ADGRB3: variants seen among roughly 807,000 people sequenced by gnomAD.
The protein encoded by ADGRB3 is adhesion G protein-coupled receptor B3.
ADGRB3 carries 37 observed loss-of-function variants against 193.4 expected under a neutral mutation model. The ratio of observed to expected loss-of-function variants is 0.19; its 90% confidence interval spans 0.15 to 0.25. The LOEUF (loss-of-function observed/expected upper bound fraction) is 0.25. ADGRB3 is among the 10% of genes least tolerant of loss of function. The probability of loss-of-function intolerance (pLI) is 1.00; values close to 1 mark genes in which losing one functional copy is unlikely to be tolerated. For missense variants in ADGRB3, 1,637 were observed against 1,852.9 expected, an observed-to-expected ratio of 0.88 and a Z score of 2.14; for synonymous variants, 690 against 644.2, an observed-to-expected ratio of 1.07 and a Z score of -1.08.
chr6:69,299,604 A>G (rs752448883), intron 20 of ADGRB3, among the ~76,000 whole-genome samples: 36 of 151,856 alleles, frequency 2.4e-4, no homozygotes, highest in Non-Finnish European at 3.4e-4. Context: ...GCATATGGGT[A>G]TCCAGTTTTC....
At chr6:68,740,177 T>G (rs755303344) in intron 3 of ADGRB3, among the ~76,000 whole-genome samples, 33 of 152,170 alleles carry the variant, frequency 2.2e-4, no homozygotes, top group Middle Eastern at 3.2e-3. Context: ...CAGGCTTTAT[T>G]TTAGGGAATG....
chr6:69,194,972 G>A (rs1765266811), intron 17 of ADGRB3, among the ~76,000 whole-genome samples: 1 of 152,104 alleles, frequency 6.6e-6, no homozygotes, highest in Admixed American at 6.6e-5. Flanking sequence ...TTTATCATAT[G>A]GACATATGGC....
In ADGRB3 at chr6:69,048,322, G is replaced by A. The variant is rs759276122; in HGVS notation, c.2245G>A (p.Val749Met). ...AATTCCAAAAAGCATTTTCACTCCG[G>A]TGTCATCAAAAGGTAAATATCTGAA... is the stretch of plus-strand genomic sequence containing the variant. ...VVIPKSIFTP[V>M]SSKELDESSV... Residue 749 changes from valine (V) to methionine (M), a missense_variant, in exon 14 of 32, where the codon GTG becomes ATG. Val to Met is a conservative substitution (Grantham distance 21). Around this residue, in one of 7 missense-constraint regions of ADGRB3, gnomAD observed 641 missense variants for 673.9 expected, o/e 0.95. Coordinates refer to ENST00000370598, the MANE Select transcript of ADGRB3 (RefSeq NM_001704.3). 1 of 1,612,896 alleles carries A rather than the reference G, an allele frequency of 6.2e-7. No homozygotes were observed. The highest frequency in any genetic ancestry group is 8.5e-7 in the Non-Finnish European group (1 of 1,179,532).
At chr6:68,976,566 A>G (rs2150266424) in intron 10 of ADGRB3, among the ~76,000 whole-genome samples, 1 of 152,332 alleles carries the variant, frequency 6.6e-6, no homozygotes, top group South Asian at 2.1e-4. Context: ...CGATAACAAA[A>G]ACAGTTTATT....
intron 3 of ADGRB3, among the ~76,000 whole-genome samples, chr6:68,660,253 A>G (rs1768594219): frequency 6.7e-6 from 1 of 149,458 alleles, no homozygotes; most frequent in South Asian, 2.1e-4. Context: ...TATATTTCAT[A>G]TAAGTACAGT....
intron 11 of ADGRB3, among the ~76,000 whole-genome samples, chr6:69,000,617 T>C (rs1332714831): frequency 6.6e-6 from 1 of 151,182 alleles, no homozygotes; most frequent in African/African-American, 2.5e-5. Context: ...GTATGAAACA[T>C]GTGGCAATAA....
chr6:69,264,768 T>C (rs1767004811), intron 20 of ADGRB3, among the ~76,000 whole-genome samples: 1 of 151,904 alleles, frequency 6.6e-6, no homozygotes, highest in Non-Finnish European at 1.5e-5. Context: ...TACAAAAACA[T>C]ATTTACACAG....
At chr6:69,009,683 C>G (rs1322403137) in intron 11 of ADGRB3, among the ~76,000 whole-genome samples, 1 of 152,114 alleles carries the variant, frequency 6.6e-6, no homozygotes, top group Admixed American at 6.6e-5. Context: ...TTAAGCCTTT[C>G]TGTAGTTCAC....
chr6:69,112,305 G>T (rs1423767794), intron 17 of ADGRB3, among the ~76,000 whole-genome samples: 1 of 152,160 alleles, frequency 6.6e-6, no homozygotes, highest in African/African-American at 2.4e-5. Flanking sequence ...AGGAAAATAA[G>T]TGGAGGATAA....
intron 3 of ADGRB3, among the ~76,000 whole-genome samples, chr6:68,727,978 T>G (rs1765703701): frequency 6.6e-6 from 1 of 151,574 alleles, no homozygotes; most frequent in South Asian, 2.1e-4. Context: ...AAGCATTTAT[T>G]TCTCAGGAGC....
intron 17 of ADGRB3, among the ~76,000 whole-genome samples, chr6:69,114,414 T>C (rs1773463374): frequency 6.6e-6 from 1 of 152,246 alleles, no homozygotes; most frequent in African/African-American, 2.4e-5. Context: ...GTTAGTCCTT[T>C]GTCAGATGGA....
intron 3 of ADGRB3, among the ~76,000 whole-genome samples, chr6:68,816,360 T>C (rs912833681): frequency 2.8e-4 from 32 of 112,320 alleles, no homozygotes; most frequent in African/African-American, 1.3e-3. Flanking sequence ...TATTAGAAAA[T>C]ATAACTGAGT....
intron 3 of ADGRB3, among the ~76,000 whole-genome samples, chr6:68,864,284 T>C (rs1765232450): frequency 6.6e-6 from 1 of 152,204 alleles, no homozygotes; most frequent in African/African-American, 2.4e-5. Flanking sequence ...GCCATATAAG[T>C]GATGTGTTAG....
chr6:69,111,637 G>T (rs1773368715), intron 17 of ADGRB3, among the ~76,000 whole-genome samples: 1 of 152,168 alleles, frequency 6.6e-6, no homozygotes, highest in Non-Finnish European at 1.5e-5. Flanking sequence ...TAACATGTTT[G>T]TCTACTTTTT....
intron 3 of ADGRB3, among the ~76,000 whole-genome samples, chr6:68,851,235 C>T (rs1768393983): frequency 6.7e-6 from 1 of 150,272 alleles, no homozygotes; most frequent in Non-Finnish European, 1.5e-5. Context: ...CTCTCTTTGC[C>T]TCCTTCTGTC....
intron 8 of ADGRB3, 145 bp from the exon 9 acceptor site, chr6:68,974,618 G>C (rs545094037): frequency 6.7e-6 from 4 of 598,322 alleles, no homozygotes; most frequent in East Asian, 6.0e-5. Flanking sequence ...CTGGGCAACA[G>C]AGTGAGACCC....
intron 17 of ADGRB3, among the ~76,000 whole-genome samples, chr6:69,086,607 A>AT (rs930336035): frequency 6.6e-6 from 1 of 151,990 alleles, no homozygotes; most frequent in Admixed American, 6.6e-5. Context: ...TTAGTGCCAA[A>AT]TTTTTTTTGG....
chr6:69,076,139 G>C, intron 17 of ADGRB3, 101 bp downstream of exon 17: 1 of 999,106 alleles, frequency 1.0e-6, no homozygotes, highest in Non-Finnish European at 1.5e-6. Context: ...AAGTCAGTGG[G>C]ATGTTGCATT....
chr6:69,325,198 G>C (rs1561988016), intron 21 of ADGRB3, among the ~76,000 whole-genome samples, 176 bp downstream of exon 21: 2 of 151,950 alleles, frequency 1.3e-5, no homozygotes, highest in Non-Finnish European at 2.9e-5. Flanking sequence ...ACTTTAAAAG[G>C]AAGTAAGTAT....
Sources: gnomAD v4.1 joint callset for allele counts (sites outside exome capture counted in the v4.1 genomes callset) on GRCh38, gnomAD v4.1.1 for gene constraint, gnomAD v4.1.1 regional missense constraint, MANE v1.5 for transcripts, NCBI Gene and HGNC (gene_info 2026-07-23, HGNC 2026-07-21) for gene names.